RPS17: variants seen among roughly 807,000 people sequenced by gnomAD.
The protein encoded by RPS17 is small ribosomal subunit protein eS17.
For missense variants in RPS17, 68 were observed against 182.3 expected (o/e 0.37, Z 3.61); for synonymous variants, 75 against 65.6 (o/e 1.14, Z -0.70).
At chr15:82,539,931 G>GCA (rs1348811540) in intron 2 of RPS17, 50 bp downstream of exon 2, 3 of 1,611,750 alleles carry the variant, frequency 1.9e-6, no homozygotes, top group African/African-American at 1.3e-5. Context: ...GGGCGGCAGA[G>GCA]CACACAAACA....
In RPS17 at chr15:82,540,061, G is replaced by A. The variant is rs992774777; in HGVS notation, c.75C>T (p.Gly25=). 46 of 1,612,928 alleles carry A rather than the reference G, an allele frequency of 2.9e-5. No individual in the cohort carries two copies. Among genetic ancestry groups the A allele is most frequent in the Non-Finnish European group, 3.9e-5 (46 of 1,179,876 alleles). The part of the protein sequence containing the change: ...VIIEKYYTRL[G]NDFHTNKRVC... The stretch of plus-strand genomic sequence containing the variant: ...CGCGCTTGTTCGTGTGGAAGTCGTT[G>A]CCCAGGCGCGTGTAGTACTTTTCTA... Residue 25 remains glycine (G), a synonymous_variant, in exon 2 of 5, where the codon GGC becomes GGT. Coordinates refer to ENST00000647841, the MANE Select transcript of RPS17 (RefSeq NM_001021.6).
chr15:82,538,629 ACAAT>A, intron 3 of RPS17: 2 of 647,896 alleles, frequency 3.1e-6, no homozygotes, highest in Admixed American at 2.6e-5. Context: ...TTAGGGGCAA[ACAAT>A]CGAGCCACGA....
At chr15:82,539,670 C>G (rs1252078876) in intron 2 of RPS17, 1 of 452,776 alleles carries the variant, frequency 2.2e-6, no homozygotes, top group Non-Finnish European at 4.1e-6. Context: ...GCCTGGGCGC[C>G]AGGGCAAGAT....
intron 4 of RPS17, 90 bp from the exon 5 acceptor site, chr15:82,536,971 A>G: frequency 6.6e-7 from 1 of 1,508,206 alleles, no homozygotes; most frequent in Non-Finnish European, 9.2e-7. Flanking sequence ...GAGCCACAGC[A>G]CTCTCAAGGG....
chr15:82,540,402 G>A, intron 1 of RPS17, 24 bp downstream of exon 1: 3 of 1,593,202 alleles, frequency 1.9e-6, no homozygotes, highest in Non-Finnish European at 1.7e-6. Context: ...GTGGAGGATG[G>A]CGGCCTCGAG....
At chr15:82,539,225 A>ACCCCC in intron 2 of RPS17, 3 of 590,954 alleles carry the variant, frequency 5.1e-6, no homozygotes, top group Admixed American at 4.6e-5. Flanking sequence ...CCCACCCCCA[A>ACCCCC]CTCGCCCCGC....
At chr15:82,538,436 C>T (rs2034278085) in intron 3 of RPS17, 65 bp from the exon 4 acceptor site, 1 of 1,557,212 alleles carries the variant, frequency 6.4e-7, no homozygotes. Flanking sequence ...TCTCCTCCTC[C>T]TCTCCCCAGG....
rs1488454011 is a variant in RPS17 at position 82,540,010 on chromosome 15, G to C, written c.126C>G (p.Pro42=). The C allele has an allele frequency of 1.9e-6, 3 of 1,612,154 alleles. No individual in the cohort carries two copies. The highest frequency in any genetic ancestry group is 1.7e-5 in the Admixed American group (1 of 60,024). ...CTATCTTGTTGCGGAGCTTTTTGCT[G>C]GGGATAATGGCGATCTCCTCGCACA... ...KRVCEEIAII[P]SKKLRNKIAG... is the part of the protein sequence containing the mutation. Residue 42 remains proline, a synonymous_variant, in exon 2 of 5, where the codon CCC becomes CCG. Coordinates refer to ENST00000647841, the MANE Select transcript of RPS17 (RefSeq NM_001021.6).
intron 3 of RPS17, 92 bp downstream of exon 3, chr15:82,538,788 C>G: frequency 7.5e-7 from 1 of 1,338,500 alleles, no homozygotes; most frequent in South Asian, 1.2e-5. Flanking sequence ...GATTAAAGGT[C>G]TCAGATTCAG....
chr15:82,540,174 C>T, intron 1 of RPS17, 42 bp from the exon 2 acceptor site: 2 of 1,613,566 alleles, frequency 1.2e-6, no homozygotes, highest in Non-Finnish European at 1.7e-6. Context: ...GCCAGCGCAA[C>T]CTTCTGGGAA....
chr15:82,537,323 A>G lies in RPS17; in HGVS notation c.328-442T>C, dbSNP rs1048306334. 176 of 291,946 alleles carry G rather than the reference A, an allele frequency of 6.0e-4. 1 individual carries two copies. Among genetic ancestry groups the G allele is most frequent in the Admixed American group, 5.1e-4 (11 of 21,596 alleles). The allele number at this position is 291,946 out of a possible 1,614,324, so 18.1% of individuals were successfully genotyped here. On this transcript the variant is annotated intron_variant, in intron 4 of 4. Transcript: ENST00000647841. ...GTATCCCCTGGCTATGAGAACGAAA[A>G]ATGTGTCTGGACATTGCCAAATGTC...
chr15:82,537,672 T>C, intron 4 of RPS17: 2 of 364,690 alleles, frequency 5.5e-6, no homozygotes, highest in South Asian at 2.1e-5. Flanking sequence ...AGCGGGGCTG[T>C]AGCTGTACTG....
At chr15:82,540,227 G>T in intron 1 of RPS17, 95 bp from the exon 2 acceptor site, 1 of 1,610,362 alleles carries the variant, frequency 6.2e-7, no homozygotes, top group Non-Finnish European at 8.5e-7. Flanking sequence ...GGGGACCGCC[G>T]GCTGCGCTGA....
chr15:82,539,559 C>G, intron 2 of RPS17: 1 of 434,492 alleles, frequency 2.3e-6, no homozygotes, highest in Admixed American at 2.5e-5. Context: ...TGTGGTAGCA[C>G]GTGCCTCTAA....
chr15:82,538,554 C>G (rs1020689967), intron 3 of RPS17, 183 bp from the exon 4 acceptor site: 2 of 732,272 alleles, frequency 2.7e-6, no homozygotes, highest in Non-Finnish European at 4.9e-6. Flanking sequence ...CTGGCCTTAC[C>G]TTCCCATGCC....
intron 4 of RPS17, chr15:82,537,645 A>T: frequency 2.8e-6 from 1 of 356,852 alleles, no homozygotes; most frequent in South Asian, 2.2e-5. Flanking sequence ...TGGTTATTTC[A>T]GGAAGAAAAG....
intron 4 of RPS17, chr15:82,537,736 T>G (rs2034265687): frequency 2.5e-6 from 1 of 398,678 alleles, no homozygotes; most frequent in Non-Finnish European, 4.9e-6. Flanking sequence ...TGCTACTACC[T>G]TTTTGAGTGT....
intron 3 of RPS17, 139 bp from the exon 4 acceptor site, chr15:82,538,510 C>T: frequency 1.0e-6 from 1 of 981,242 alleles, no homozygotes; most frequent in Non-Finnish European, 1.6e-6. Context: ...TGAGCAGTCT[C>T]TTACAGTATT....
chr15:82,539,960 G>A (rs1209083154), intron 2 of RPS17, 21 bp downstream of exon 2: 35 of 1,611,942 alleles, frequency 2.2e-5, no homozygotes, highest in South Asian at 6.6e-5. Flanking sequence ...AGCCCCGGAG[G>A]CCGAGGAAGG....
Sources: gnomAD v4.1 joint callset for allele counts on GRCh38, gnomAD v4.1.1 for gene constraint, MANE v1.5 for transcripts, NCBI Gene and HGNC (gene_info 2026-07-23, HGNC 2026-07-21) for gene names.